UNC13C: variants seen among roughly 807,000 people sequenced by gnomAD.
UNC13C encodes the protein protein unc-13 homolog C.
A neutral mutation model predicts 245.4 loss-of-function variants in UNC13C; 174 were observed. The ratio of observed to expected loss-of-function variants is 0.71; its 90% confidence interval spans 0.63 to 0.80. The LOEUF (loss-of-function observed/expected upper bound fraction) is 0.80. Ranked by LOEUF, UNC13C falls within the 30% of genes least tolerant of loss-of-function variation. The probability of loss-of-function intolerance (pLI) is 0.00; values close to 1 mark genes in which losing one functional copy is unlikely to be tolerated. For missense variants in UNC13C, 2,829 were observed against 2,602.9 expected (o/e 1.09, Z -1.89); for synonymous variants, 992 against 895.1 (o/e 1.11, Z -1.93).
At chr15:54,242,901 A>G (rs1160432036) in intron 7 of UNC13C, among the ~76,000 whole-genome samples, 1 of 152,186 alleles carries the variant, frequency 6.6e-6, no homozygotes, top group African/African-American at 2.4e-5. Flanking sequence ...GGACAGTTAC[A>G]TGGGATCTAT....
chr15:54,414,894 C>T, intron 18 of UNC13C, 88 bp from the exon 19 acceptor site: 3 of 745,132 alleles, frequency 4.0e-6, no homozygotes, highest in Non-Finnish European at 6.7e-6. Flanking sequence ...TATGTAATAA[C>T]TACTGTGGTA....
At chr15:54,429,145 C>G (rs1212243916) in intron 19 of UNC13C, among the ~76,000 whole-genome samples, 4 of 151,624 alleles carry the variant, frequency 2.6e-5, no homozygotes, top group African/African-American at 9.7e-5. Flanking sequence ...TTCATCATTG[C>G]AAAAAGAATC....
At chr15:54,507,012 C>T (rs1894502853) in intron 22 of UNC13C, 105 bp from the exon 23 acceptor site, 3 of 667,196 alleles carry the variant, frequency 4.5e-6, no homozygotes, top group South Asian at 5.4e-5. Context: ...AAATGTAGAA[C>T]TAAGATGAAA....
At chr15:54,553,809 A>G (rs1259167619) in intron 28 of UNC13C, among the ~76,000 whole-genome samples, 1 of 150,928 alleles carries the variant, frequency 6.6e-6, no homozygotes, top group Non-Finnish European at 1.5e-5. Flanking sequence ...TTAGAAAATA[A>G]TGTGACCACA....
At chr15:53,838,228 G>A in the UNC13C span, among the ~76,000 whole-genome samples, 1,499 of 151,954 alleles carry the variant, frequency 9.9e-3, 12 homozygotes, top group Middle Eastern at 0.043. Flanking sequence ...CATCATTTAT[G>A]TCTCCCTTAA....
intron 2 of UNC13C, among the ~76,000 whole-genome samples, chr15:54,043,859 C>A (rs1473612092): frequency 6.6e-6 from 1 of 152,124 alleles, no homozygotes; most frequent in Non-Finnish European, 1.5e-5. Context: ...CCCTTTGGGC[C>A]TTGTATCACT....
intron 18 of UNC13C, among the ~76,000 whole-genome samples, chr15:54,396,616 T>TA (rs1209514257): frequency 6.6e-6 from 1 of 151,574 alleles, no homozygotes; most frequent in African/African-American, 2.4e-5. Context: ...TCTATTGAGT[T>TA]ACGTGGTAAG....
chr15:54,552,651 T>TAC (rs1566904987), intron 28 of UNC13C, among the ~76,000 whole-genome samples: 71 of 81,372 alleles, frequency 8.7e-4, no homozygotes, highest in Non-Finnish European at 1.3e-3. Flanking sequence ...TATAATTATA[T>TAC]AATTATATTA....
chr15:54,458,506 T>C (rs1185452482), intron 19 of UNC13C, among the ~76,000 whole-genome samples: 1 of 152,010 alleles, frequency 6.6e-6, no homozygotes, highest in East Asian at 1.9e-4. Flanking sequence ...CTCCTACTTT[T>C]ATTTTGTTGC....
chr15:54,518,034 G>A lies in UNC13C; in HGVS notation c.5457+6204G>A, dbSNP rs147143001. ...TAATAAGGAGAATTGAATATTTGAA[G>A]TGCTGGCCTTTTATTGTGGCAACAT... is the stretch of plus-strand genomic sequence containing the variant. On this transcript the variant is annotated intron_variant, in intron 24 of 32. Transcript: ENST00000260323. 3.9e-3 allele frequency among the ~76,000 whole-genome samples: 587 copies of A among 152,248 alleles called. 6 individuals are homozygous for A. Among genetic ancestry groups the A allele is most frequent in the Middle Eastern group, 0.027 (8 of 294 alleles).
chr15:54,147,376 C>T (rs144560584), intron 4 of UNC13C, among the ~76,000 whole-genome samples: 1,901 of 151,904 alleles, frequency 0.013, 46 homozygotes, highest in African/African-American at 0.044. Flanking sequence ...CCCTCCACCA[C>T]GCCCGGCCAT....
chr15:54,165,833 C>G (rs2033144453), intron 4 of UNC13C, among the ~76,000 whole-genome samples: 1 of 151,794 alleles, frequency 6.6e-6, no homozygotes, highest in African/African-American at 2.4e-5. Context: ...TTTCTGTTTT[C>G]CTTTTTTTCT....
chr15:54,189,503 T>C (rs1039864001), intron 4 of UNC13C, among the ~76,000 whole-genome samples: 16 of 152,126 alleles, frequency 1.1e-4, no homozygotes, highest in African/African-American at 3.9e-4. Context: ...TAGAAGTTCT[T>C]AGGAAACTTG....
At chr15:54,318,080 T>C (rs1031226143) in intron 13 of UNC13C, among the ~76,000 whole-genome samples, 41 of 152,010 alleles carry the variant, frequency 2.7e-4, no homozygotes, top group African/African-American at 9.9e-4. Context: ...TTTTTATGAC[T>C]GAACAGTATT....
the UNC13C span, among the ~76,000 whole-genome samples, chr15:53,965,049 T>C: frequency 6.6e-6 from 1 of 152,200 alleles, no homozygotes; most frequent in Non-Finnish European, 1.5e-5. Flanking sequence ...AAAACAAGTT[T>C]TTATTTATAA....
chr15:54,432,823 A>G (rs1034336476), intron 19 of UNC13C, among the ~76,000 whole-genome samples: 1 of 152,114 alleles, frequency 6.6e-6, no homozygotes, highest in African/African-American at 2.4e-5. Flanking sequence ...TGGTTTTTTG[A>G]AAAGATTAAC....
intron 19 of UNC13C, among the ~76,000 whole-genome samples, chr15:54,490,495 C>T (rs1893647000): frequency 6.6e-6 from 1 of 151,972 alleles, no homozygotes; most frequent in African/African-American, 2.4e-5. Context: ...GCAGAGCAGC[C>T]AGAGAAGGAG....
chr15:54,342,659 C>A (rs893570182), intron 17 of UNC13C, among the ~76,000 whole-genome samples: 5 of 152,052 alleles, frequency 3.3e-5, no homozygotes, highest in Admixed American at 1.3e-4. Flanking sequence ...ATGAAACATT[C>A]TGTTTACTTG....
chr15:54,269,200 C>A (rs2036623722), intron 10 of UNC13C, among the ~76,000 whole-genome samples: 1 of 152,024 alleles, frequency 6.6e-6, no homozygotes, highest in Admixed American at 6.6e-5. Flanking sequence ...GGCTCACTTT[C>A]TTTCTTTCTT....
Sources: gnomAD v4.1 joint callset for allele counts (sites outside exome capture counted in the v4.1 genomes callset) on GRCh38, gnomAD v4.1.1 for gene constraint, MANE v1.5 for transcripts, NCBI Gene and HGNC (gene_info 2026-07-23, HGNC 2026-07-21) for gene names.